Variants in RELN observed in about 807,000 individuals in gnomAD.
RELN encodes reelin.
In RELN, 108 loss-of-function variants were observed where a neutral mutation model predicts 427.6. That is an observed-to-expected ratio of 0.25 (90% CI 0.22 to 0.30). The LOEUF (loss-of-function observed/expected upper bound fraction) is 0.30. Ranked by LOEUF, RELN falls within the 10% of genes least tolerant of loss-of-function variation. RELN has a pLI of 1.00. For synonymous variants in RELN, 1,524 were observed against 1,513.4 expected (o/e 1.01, Z -0.16); for missense variants, 3,715 against 4,302.8 (o/e 0.86, Z 3.82).
intron 46 of RELN, among the ~76,000 whole-genome samples, chr7:103,523,840 G>A (rs1176210335): frequency 1.3e-5 from 2 of 152,004 alleles, no homozygotes; most frequent in African/African-American, 2.4e-5. Flanking sequence ...ACAACACCCA[G>A]TTAATTTTTG....
chr7:103,515,059 C>A, intron 50 of RELN, 126 bp downstream of exon 50: 1 of 1,185,998 alleles, frequency 8.4e-7, no homozygotes, highest in Non-Finnish European at 1.2e-6. Flanking sequence ...AGGATGACAC[C>A]CTTTTCAGCG....
intron 27 of RELN, among the ~76,000 whole-genome samples, chr7:103,592,009 T>C (rs1831426931): frequency 6.6e-6 from 1 of 152,104 alleles, no homozygotes; most frequent in South Asian, 2.1e-4. Flanking sequence ...CTAAACAAAT[T>C]GAGAGAAAGG....
chr7:103,727,105 A>G (rs1790230534), intron 7 of RELN, among the ~76,000 whole-genome samples: 1 of 152,160 alleles, frequency 6.6e-6, no homozygotes, highest in Non-Finnish European at 1.5e-5. Context: ...ACATTTTGAT[A>G]ACTAAATCTT....
At position 103,653,622 on chromosome 7, in the gene RELN, C is replaced by A. The variant is rs569253650; in HGVS notation, c.1554+471G>T. 6.5e-4 allele frequency among the ~76,000 whole-genome samples: 99 copies of A among 152,114 alleles called. No homozygotes were observed. In the Middle Eastern group the frequency reaches 0.014, roughly 21 times the overall value. ...TGCTTGCAAATAACCAGAGCTAACA[C>A]CTGTTCTATATGCAAAGGGTAAAGA... On this transcript the variant is annotated intron_variant, in intron 13 of 64. Transcript: ENST00000428762.
chr7:103,735,132 T>C (rs1474240044), intron 6 of RELN, among the ~76,000 whole-genome samples: 1 of 152,038 alleles, frequency 6.6e-6, no homozygotes, highest in Non-Finnish European at 1.5e-5. Context: ...CCAAAAAAAC[T>C]AGGATCAAAC....
In RELN at chr7:103,989,603, C is replaced by G. The variant is rs1458045326; in HGVS notation, c.-247G>C. 2.7e-6 allele frequency: 1 copy of G among 367,072 alleles called. No individual in the cohort carries two copies. Among genetic ancestry groups the G allele is most frequent in the Admixed American group, 4.9e-5 (1 of 20,502 alleles). 22.7% of individuals were successfully genotyped at this position (367,072 alleles called of 1,614,324 possible). ...GCTGCGGGCGCCGAGAGCGCGTCGT[C>G]TGCCGCCTCCGTGCGCCGCCGCCGC... On this transcript the variant is annotated 5_prime_UTR_variant, in exon 1 of 65. Coordinates refer to ENST00000428762, the MANE Select transcript of RELN (RefSeq NM_005045.4). The surrounding 1 kb of genome is among the most constrained non-coding windows in gnomAD (Gnocchi z 4.9).
chr7:103,759,788 C>T (rs1220049413), intron 4 of RELN, among the ~76,000 whole-genome samples: 1 of 151,952 alleles, frequency 6.6e-6, no homozygotes, highest in African/African-American at 2.4e-5. Context: ...ACTTTTGTCT[C>T]CAAAATTACC....
intron 11 of RELN, among the ~76,000 whole-genome samples, chr7:103,680,418 G>C (rs1416437582): frequency 1.3e-5 from 2 of 152,090 alleles, no homozygotes; most frequent in East Asian, 1.9e-4. Context: ...AGAGATGAAA[G>C]CGTGGGAGTA....
At position 103,525,452 on chromosome 7, in the gene RELN, C is replaced by T. The variant is rs561248987; in HGVS notation, c.7350-1921G>A. Among the ~76,000 whole-genome samples the T allele has an allele frequency of 8.5e-5, 13 of 152,290 alleles. No individual in the cohort carries two copies. The East Asian group carries it at 1.5e-3, about 18-fold the overall frequency. Reference sequence around the variant, plus strand: ...CCTAGAGCTTAGTGGGTGTTCTAAACGTCCAGGAAGTTCGTATCCAGGGGC... The same window carrying T: ...CCTAGAGCTTAGTGGGTGTTCTAAATGTCCAGGAAGTTCGTATCCAGGGGC... On this transcript the variant is annotated intron_variant, in intron 46 of 64. Coordinates refer to ENST00000428762, the MANE Select transcript of RELN (RefSeq NM_005045.4).
chr7:103,920,417 G>C (rs1795587186), intron 1 of RELN, among the ~76,000 whole-genome samples: 1 of 152,062 alleles, frequency 6.6e-6, no homozygotes, highest in Non-Finnish European at 1.5e-5. Flanking sequence ...CCCTTTCCAA[G>C]ATTATCAGTC....
intron 45 of RELN, among the ~76,000 whole-genome samples, chr7:103,538,518 G>A (rs1830106953): frequency 6.6e-6 from 1 of 152,126 alleles, no homozygotes; most frequent in Admixed American, 6.5e-5. Flanking sequence ...CACAATGAGG[G>A]TGGCCTGGAA....
intron 31 of RELN, among the ~76,000 whole-genome samples, chr7:103,571,795 C>T (rs1220933810): frequency 2.6e-5 from 4 of 152,100 alleles, no homozygotes; most frequent in East Asian, 1.9e-4. Context: ...GTTTATGGGC[C>T]GAAGTAGACT....
At chr7:103,722,909 G>T (rs1350784189) in intron 8 of RELN, among the ~76,000 whole-genome samples, 1 of 152,034 alleles carries the variant, frequency 6.6e-6, no homozygotes, top group Non-Finnish European at 1.5e-5. Context: ...AGATTTTTTT[G>T]AATTATCTGC....
intron 2 of RELN, among the ~76,000 whole-genome samples, chr7:103,872,327 T>A (rs1239506474): frequency 1.4e-5 from 2 of 138,350 alleles, no homozygotes; most frequent in African/African-American, 5.1e-5. Flanking sequence ...GGTTTTTTGT[T>A]CTTGCGATAG....
intron 28 of RELN, among the ~76,000 whole-genome samples, chr7:103,584,298 T>A (rs1479237126): frequency 1.3e-5 from 2 of 152,156 alleles, no homozygotes; most frequent in Non-Finnish European, 2.9e-5. Context: ...ATAGATCCAA[T>A]TATTTGTTGC....
At chr7:103,517,667 G>T in intron 49 of RELN, among the ~76,000 whole-genome samples, 1 of 152,210 alleles carries the variant, frequency 6.6e-6, no homozygotes, top group East Asian at 1.9e-4. Flanking sequence ...TAACAGTTGA[G>T]CACAGGGTAC....
intron 19 of RELN, 140 bp from the exon 20 acceptor site, chr7:103,630,316 TC>T: frequency 1.5e-6 from 1 of 651,676 alleles, no homozygotes; most frequent in South Asian, 1.9e-5. Context: ...TTTTGAGATG[TC>T]CAGTTTCCTG....
chr7:103,666,489 TATCTC>T (rs1833270888), intron 11 of RELN, among the ~76,000 whole-genome samples: 1 of 152,156 alleles, frequency 6.6e-6, no homozygotes, highest in African/African-American at 2.4e-5. Flanking sequence ...ATATCTCTCT[TATCTC>T]AATTGGAATG....
chr7:103,507,101 G>A (rs181677891), intron 51 of RELN, among the ~76,000 whole-genome samples: 64 of 151,726 alleles, frequency 4.2e-4, no homozygotes, highest in African/African-American at 1.2e-3. Flanking sequence ...TTTTAACACC[G>A]CACTGTCAAT....
Sources: allele counts gnomAD v4.1 joint callset (sites outside exome capture counted in the v4.1 genomes callset), GRCh38; gene constraint gnomAD v4.1.1; non-coding constraint Gnocchi (gnomAD v3.1); transcripts MANE v1.5; gene names NCBI Gene and HGNC (gene_info 2026-07-23, HGNC 2026-07-21).